Variants in ITFG1 observed in about 807,000 individuals in gnomAD.
ITFG1 encodes T-cell immunomodulatory protein.
ITFG1 carries 34 observed loss-of-function variants against 81.8 expected under a neutral mutation model. That is an observed-to-expected ratio of 0.42 (90% CI 0.32 to 0.55). The LOEUF (loss-of-function observed/expected upper bound fraction) is 0.55. Ranked by LOEUF, ITFG1 falls within the 20% of genes least tolerant of loss-of-function variation. The probability of loss-of-function intolerance (pLI) is 0.17; values close to 1 mark genes in which losing one functional copy is unlikely to be tolerated. For missense variants in ITFG1, 672 were observed against 755.4 expected, an observed-to-expected ratio of 0.89 and a Z score of 1.29; for synonymous variants, 285 against 270.6, an observed-to-expected ratio of 1.05 and a Z score of -0.52.
intron 8 of ITFG1, among the ~76,000 whole-genome samples, chr16:47,342,660 T>A (rs900393366): frequency 6.6e-6 from 1 of 152,092 alleles, no homozygotes; most frequent in African/African-American, 2.4e-5. Context: ...AAGTTGCAGG[T>A]TGATCTTGTG....
At chr16:47,372,485 G>A (rs1384035032) in intron 7 of ITFG1, among the ~76,000 whole-genome samples, 1 of 149,060 alleles carries the variant, frequency 6.7e-6, no homozygotes, top group Non-Finnish European at 1.5e-5. Context: ...TTGAGATGGA[G>A]TCTTGCTCTG....
upstream of ITFG1, chr16:47,461,098 G>A: frequency 2.8e-6 from 4 of 1,438,534 alleles, no homozygotes; most frequent in Non-Finnish European, 3.7e-6. Flanking sequence ...GACGACAGCC[G>A]CAAAGCACCG....
At chr16:47,338,078 C>T (rs1967731472) in intron 8 of ITFG1, among the ~76,000 whole-genome samples, 2 of 152,232 alleles carry the variant, frequency 1.3e-5, no homozygotes, top group African/African-American at 2.4e-5. Context: ...ACAAGGAATA[C>T]AGTCTTTCAA....
intron 8 of ITFG1, among the ~76,000 whole-genome samples, chr16:47,352,640 G>C (rs1967977883): frequency 6.6e-6 from 1 of 152,224 alleles, no homozygotes; most frequent in Non-Finnish European, 1.5e-5. Context: ...CATTGTGGGA[G>C]TCAGTGTGGC....
intron 5 of ITFG1, among the ~76,000 whole-genome samples, chr16:47,441,784 C>A (rs1388759081): frequency 2.0e-5 from 3 of 151,954 alleles, no homozygotes; most frequent in African/African-American, 7.3e-5. Context: ...CAGGGATGCC[C>A]TCTCTCACCA....
intron 12 of ITFG1, among the ~76,000 whole-genome samples, chr16:47,252,237 T>A (rs1289816528): frequency 6.6e-6 from 1 of 152,128 alleles, no homozygotes; most frequent in Non-Finnish European, 1.5e-5. Context: ...ATTTATAAAA[T>A]GGAAGGCACA....
intron 14 of ITFG1, among the ~76,000 whole-genome samples, chr16:47,183,545 C>T (rs868295460): frequency 9.2e-5 from 14 of 152,188 alleles, no homozygotes; most frequent in Middle Eastern, 6.8e-3. Context: ...CTCGCACGGC[C>T]GGGTACTCCA....
intron 6 of ITFG1, among the ~76,000 whole-genome samples, chr16:47,394,021 A>G (rs1457398456): frequency 6.6e-6 from 1 of 152,228 alleles, no homozygotes; most frequent in Non-Finnish European, 1.5e-5. Context: ...TGGAATTAGC[A>G]TTAATTTCAG....
intron 14 of ITFG1, among the ~76,000 whole-genome samples, chr16:47,181,491 G>C (rs1310541374): frequency 1.4e-5 from 2 of 143,052 alleles, no homozygotes; most frequent in Non-Finnish European, 3.1e-5. Flanking sequence ...CGCCCCGTCC[G>C]GGAGGGAGGT....
Position 47,383,643 on chromosome 16 carries a change from C to T in ITFG1, c.656-7703G>A, listed in dbSNP as rs184287790. 9.0e-4 allele frequency among the ~76,000 whole-genome samples: 137 copies of T among 152,292 alleles called. 3 individuals carry two copies. Among genetic ancestry groups the T allele is most frequent in the Admixed American group, 7.7e-3 (117 of 15,294 alleles). ...AGACTGGGCCGGGCATGGTGGCACA[C>T]GCCTGTAATCCCAACACTTTGGGAG... On this transcript the variant is annotated intron_variant, in intron 6 of 17. Transcript: ENST00000320640.
At chr16:47,209,357 A>G (rs1000692207) in intron 14 of ITFG1, among the ~76,000 whole-genome samples, 1 of 152,182 alleles carries the variant, frequency 6.6e-6, no homozygotes, top group African/African-American at 2.4e-5. Flanking sequence ...TTCCAATAAA[A>G]GCAAAGAAGC....
At chr16:47,409,497 C>G (rs1413111179) in intron 6 of ITFG1, among the ~76,000 whole-genome samples, 1 of 135,822 alleles carries the variant, frequency 7.4e-6, no homozygotes, top group African/African-American at 2.7e-5. Context: ...CTCACTGCAA[C>G]CTCCACCTCC....
intron 8 of ITFG1, among the ~76,000 whole-genome samples, chr16:47,336,141 G>A (rs1019222631): frequency 6.6e-6 from 1 of 152,180 alleles, no homozygotes; most frequent in African/African-American, 2.4e-5. Flanking sequence ...ATAGGCCAAA[G>A]TATAGAGACA....
intron 8 of ITFG1, among the ~76,000 whole-genome samples, chr16:47,360,665 T>G (rs920085247): frequency 6.6e-6 from 1 of 152,200 alleles, no homozygotes; most frequent in Non-Finnish European, 1.5e-5. Context: ...AATTACCAAT[T>G]AGCATTCAGA....
At chr16:47,222,452 C>T (rs141546018) in intron 13 of ITFG1, among the ~76,000 whole-genome samples, 2,444 of 142,880 alleles carry the variant, frequency 0.017, 37 homozygotes, top group Non-Finnish European at 0.026. Context: ...CTCGCTAGGT[C>T]GCCCAGGCCG....
intron 8 of ITFG1, among the ~76,000 whole-genome samples, chr16:47,355,959 C>A (rs1191275794): frequency 6.6e-6 from 1 of 152,124 alleles, no homozygotes; most frequent in Non-Finnish European, 1.5e-5. Context: ...AAGCAAACAG[C>A]ATATATACTA....
chr16:47,187,901 C>T (rs1314653153), intron 14 of ITFG1, among the ~76,000 whole-genome samples: 1 of 151,808 alleles, frequency 6.6e-6, no homozygotes. Context: ...ACAATGAACT[C>T]AAACAAATTT....
At chr16:47,396,229 A>G in intron 6 of ITFG1, 1 of 911,072 alleles carries the variant, frequency 1.1e-6, no homozygotes, top group Non-Finnish European at 1.3e-6. Flanking sequence ...TTAAATGCCA[A>G]AATGGAGTAG....
intron 12 of ITFG1, among the ~76,000 whole-genome samples, chr16:47,251,217 T>TC (rs1295709252): frequency 6.6e-6 from 1 of 152,196 alleles, no homozygotes; most frequent in Non-Finnish European, 1.5e-5. Context: ...CAGGAGTAAG[T>TC]CAGGGCTCTT....
Sources: allele counts gnomAD v4.1 joint callset (sites outside exome capture counted in the v4.1 genomes callset), GRCh38; gene constraint gnomAD v4.1.1; transcripts MANE v1.5; gene names NCBI Gene and HGNC (gene_info 2026-07-23, HGNC 2026-07-21).